The following NFYC variants were observed in gnomAD, a reference collection of about 807,000 sequenced individuals.
NFYC encodes the protein nuclear transcription factor Y subunit gamma, also known as CAAT box DNA-binding protein subunit C.
A neutral mutation model predicts 53.1 loss-of-function variants in NFYC; 25 were observed. The observed-to-expected ratio is 0.47, with a 90% CI of 0.34 to 0.66. NFYC has a LOEUF of 0.66. NFYC is among the 30% of genes least tolerant of loss of function. NFYC has a pLI of 0.01. For missense variants in NFYC, 260 were observed against 422.7 expected (o/e 0.62, Z 3.38); for synonymous variants, 145 against 152.6 (o/e 0.95, Z 0.37).
At chr1:40,767,073 T>C (rs1646850724) in intron 8 of NFYC, 2 of 1,148,144 alleles carry the variant, frequency 1.7e-6, no homozygotes, top group Non-Finnish European at 2.6e-6. Flanking sequence ...TTCTGGCACC[T>C]CCTGTGCTCT....
intron 1 of NFYC, among the ~76,000 whole-genome samples, chr1:40,705,260 T>C (rs1643639619): frequency 6.6e-6 from 1 of 152,202 alleles, no homozygotes; most frequent in Non-Finnish European, 1.5e-5. Context: ...ATCAGCGAGG[T>C]TGTGAACATG....
At chr1:40,726,473 G>C (rs991242153) in intron 1 of NFYC, among the ~76,000 whole-genome samples, 1 of 148,170 alleles carries the variant, frequency 6.7e-6, no homozygotes, top group Non-Finnish European at 1.5e-5. Flanking sequence ...ACAGTGTCAT[G>C]ATCTTGGCTG....
intron 1 of NFYC, among the ~76,000 whole-genome samples, chr1:40,727,027 A>G (rs997121151): frequency 1.6e-4 from 24 of 152,216 alleles, no homozygotes; most frequent in Non-Finnish European, 2.5e-4. Flanking sequence ...ATCCAGTCAC[A>G]TCTCAGGCTC....
intron 1 of NFYC, among the ~76,000 whole-genome samples, chr1:40,704,221 G>A (rs185806246): frequency 6.6e-5 from 10 of 152,028 alleles, no homozygotes; most frequent in Admixed American, 5.9e-4. Context: ...ACAGGCGCCC[G>A]CCACCACGCC....
chr1:40,711,083 CT>C (rs2148452429), intron 1 of NFYC, among the ~76,000 whole-genome samples: 1 of 152,280 alleles, frequency 6.6e-6, no homozygotes, highest in South Asian at 2.1e-4. Context: ...ATTCTAAATT[CT>C]TTTGGTATGA....
intron 1 of NFYC, among the ~76,000 whole-genome samples, chr1:40,732,205 A>G (rs1425366369): frequency 6.6e-6 from 1 of 152,256 alleles, no homozygotes; most frequent in Non-Finnish European, 1.5e-5. Flanking sequence ...AGGCTACTAT[A>G]AAAGAGTTTG....
At chr1:40,768,251 CTA>C (rs1222035805) in intron 8 of NFYC, among the ~76,000 whole-genome samples, 1 of 152,190 alleles carries the variant, frequency 6.6e-6, no homozygotes, top group Non-Finnish European at 1.5e-5. Flanking sequence ...ACCTTCTTAT[CTA>C]TGTGGAATAT....
intron 4 of NFYC, 89 bp downstream of exon 4, chr1:40,749,775 CT>C: frequency 9.6e-7 from 1 of 1,043,724 alleles, no homozygotes; most frequent in Non-Finnish European, 1.5e-6. Context: ...GATTGTTCTC[CT>C]TTAGGACCAA....
intron 6 of NFYC, 165 bp downstream of exon 6, chr1:40,758,459 G>C: frequency 1.4e-6 from 1 of 736,730 alleles, no homozygotes; most frequent in Non-Finnish European, 2.1e-6. Context: ...GGGGTGAGAT[G>C]TTACCCTAAT....
rs1469375648 is a variant in NFYC at position 40,771,254 on chromosome 1, A to G, written c.*426A>G. The G allele has an allele frequency of 1.3e-5, 4 of 316,114 alleles. No homozygotes were observed. Among genetic ancestry groups the G allele is most frequent in the Non-Finnish European group, 2.5e-5 (4 of 159,480 alleles). The allele number at this position is 316,114 out of a possible 1,614,324, so 19.6% of individuals were successfully genotyped here. On this transcript the variant is annotated 3_prime_UTR_variant, in exon 10 of 10. Transcript: ENST00000447388. ...TTTCTTGACTCTGGGAACAGCTGCT[A>G]CCCCCAAGACTTGCCACGTTGTTCT...
intron 6 of NFYC, among the ~76,000 whole-genome samples, chr1:40,761,042 T>C (rs1646518327): frequency 6.6e-6 from 1 of 152,226 alleles, no homozygotes; most frequent in South Asian, 2.1e-4. Context: ...TCATGGCTGT[T>C]GTGCCCTGAC....
chr1:40,732,742 A>C (rs1372113985), intron 1 of NFYC, among the ~76,000 whole-genome samples: 1 of 152,168 alleles, frequency 6.6e-6, no homozygotes, highest in Non-Finnish European at 1.5e-5. Flanking sequence ...TACACTTGAG[A>C]ATGGTATGCA....
At chr1:40,758,836 A>T (rs1646376664) in intron 6 of NFYC, among the ~76,000 whole-genome samples, 1 of 152,218 alleles carries the variant, frequency 6.6e-6, no homozygotes, top group Non-Finnish European at 1.5e-5. Context: ...GTTGGGGGTC[A>T]TGTGAGGCTG....
intron 4 of NFYC, among the ~76,000 whole-genome samples, chr1:40,751,220 C>T (rs1306450943): frequency 6.6e-6 from 1 of 152,120 alleles, no homozygotes; most frequent in East Asian, 1.9e-4. Context: ...ACCATTGCTC[C>T]ATACAACATG....
At chr1:40,731,010 C>T (rs1644745415) in intron 1 of NFYC, among the ~76,000 whole-genome samples, 3 of 152,048 alleles carry the variant, frequency 2.0e-5, no homozygotes, top group South Asian at 2.1e-4. Context: ...TCTTGCATCC[C>T]GAATATGTGC....
At chr1:40,758,350 G>A in intron 6 of NFYC, 56 bp downstream of exon 6, 2 of 1,521,748 alleles carry the variant, frequency 1.3e-6, no homozygotes, top group South Asian at 1.3e-5. Flanking sequence ...TAGGTTTTTG[G>A]ATGGGCAGAG....
At chr1:40,733,962 G>T (rs1644896642) in intron 1 of NFYC, among the ~76,000 whole-genome samples, 1 of 152,116 alleles carries the variant, frequency 6.6e-6, no homozygotes, top group Non-Finnish European at 1.5e-5. Context: ...AGCCAGGCTG[G>T]TCTTGAACTC....
intron 1 of NFYC, among the ~76,000 whole-genome samples, chr1:40,715,408 CTTTTT>C (rs778550066): frequency 6.9e-6 from 1 of 145,926 alleles, no homozygotes; most frequent in African/African-American, 2.5e-5. Flanking sequence ...AAAACAAAAA[CTTTTT>C]TTTTTTTTCC....
intron 8 of NFYC, chr1:40,769,107 G>C (rs1236082045): frequency 2.2e-6 from 1 of 450,518 alleles, no homozygotes; most frequent in African/African-American, 2.0e-5. Flanking sequence ...GCATTCATTA[G>C]AGAGATGGGT....
Sources: gnomAD v4.1 joint callset for allele counts (sites outside exome capture counted in the v4.1 genomes callset) on GRCh38, gnomAD v4.1.1 for gene constraint, MANE v1.5 for transcripts, NCBI Gene and HGNC (gene_info 2026-07-23, HGNC 2026-07-21) for gene names.